The following GLT1D1 variants were observed in gnomAD, a reference collection of about 807,000 sequenced individuals.
The protein encoded by GLT1D1 is glycosyltransferase 1 domain-containing protein 1.
Under a neutral mutation model 28.7 loss-of-function variants are expected in GLT1D1, and 21 were observed. The observed-to-expected ratio is 0.73, with a 90% CI of 0.52 to 1.05. The LOEUF (loss-of-function observed/expected upper bound fraction) is 1.05, where lower values mean the gene tolerates loss of function less well. Among genes scored for constraint, GLT1D1 ranks in the 50% least tolerant of loss-of-function variants. The probability of loss-of-function intolerance (pLI) is 0.00; values close to 1 mark genes in which losing one functional copy is unlikely to be tolerated. For missense variants in GLT1D1, 343 were observed against 330.6 expected (o/e 1.04, Z -0.29); for synonymous variants, 147 against 124.8 (o/e 1.18, Z -1.19).
chr12:128,935,931 T>C (rs1447365382), intron 4 of GLT1D1, among the ~76,000 whole-genome samples: 1 of 152,216 alleles, frequency 6.6e-6, no homozygotes, highest in Non-Finnish European at 1.5e-5. Flanking sequence ...CATGGCTTTG[T>C]AGTAGAGTGG....
At chr12:128,963,712 G>T (rs1042469870) in intron 7 of GLT1D1, among the ~76,000 whole-genome samples, 1 of 152,118 alleles carries the variant, frequency 6.6e-6, no homozygotes, top group Non-Finnish European at 1.5e-5. Context: ...CTCCTATCAC[G>T]CACAGTCATG....
chr12:128,899,910 A>T (rs1179326817), intron 4 of GLT1D1, among the ~76,000 whole-genome samples: 1 of 152,196 alleles, frequency 6.6e-6, no homozygotes, highest in Non-Finnish European at 1.5e-5. Context: ...TAAATGTTGC[A>T]GCAACCTTGT....
chr12:128,895,008 CTGA>C (rs1304404515), intron 3 of GLT1D1, among the ~76,000 whole-genome samples: 1 of 151,962 alleles, frequency 6.6e-6, no homozygotes, highest in Non-Finnish European at 1.5e-5. Context: ...ATGCTTTGAG[CTGA>C]TGCCTGTGTT....
intron 4 of GLT1D1, among the ~76,000 whole-genome samples, chr12:128,931,477 T>C (rs569966813): frequency 1.3e-5 from 2 of 151,672 alleles, no homozygotes; most frequent in African/African-American, 4.8e-5. Flanking sequence ...CCGGCAAATT[T>C]TGTATTTTTA....
At chr12:128,953,254 T>A (rs1480975046) in intron 6 of GLT1D1, among the ~76,000 whole-genome samples, 5 of 152,234 alleles carry the variant, frequency 3.3e-5, no homozygotes, top group African/African-American at 9.6e-5. Context: ...GATATTTATT[T>A]CCTAAATATT....
At chr12:128,922,185 T>C (rs887719622) in intron 4 of GLT1D1, among the ~76,000 whole-genome samples, 1 of 151,792 alleles carries the variant, frequency 6.6e-6, no homozygotes, top group Non-Finnish European at 1.5e-5. Flanking sequence ...TGTGTGTGTG[T>C]GTGTGTGTAT....
chr12:128,862,181 T>A (rs1306974419), intron 1 of GLT1D1, among the ~76,000 whole-genome samples: 1 of 151,144 alleles, frequency 6.6e-6, no homozygotes, highest in African/African-American at 2.4e-5. Context: ...ATACAAAAAT[T>A]AGCTGGGCAT....
At chr12:128,925,316 T>A (rs938445509) in intron 4 of GLT1D1, among the ~76,000 whole-genome samples, 1 of 152,236 alleles carries the variant, frequency 6.6e-6, no homozygotes, top group Non-Finnish European at 1.5e-5. Context: ...CATTAGCTAT[T>A]CTTCCTGATG....
At chr12:128,927,083 T>G in intron 4 of GLT1D1, 22 bp from the exon 8 acceptor site, 1 of 1,531,948 alleles carries the variant, frequency 6.5e-7, no homozygotes, top group Non-Finnish European at 8.7e-7. Flanking sequence ...AGTGTTTTTT[T>G]GTCTTCTTTT....
chr12:128,927,970 A>G (rs1423680420), intron 4 of GLT1D1, among the ~76,000 whole-genome samples: 4 of 125,568 alleles, frequency 3.2e-5, no homozygotes, highest in Non-Finnish European at 6.5e-5. Flanking sequence ...GCTGTACTCC[A>G]GCCTGGCCGA....
At chr12:128,903,898 T>A (rs1217614733) in intron 4 of GLT1D1, among the ~76,000 whole-genome samples, 1 of 151,664 alleles carries the variant, frequency 6.6e-6, no homozygotes, top group Admixed American at 6.6e-5. Context: ...GCCCAGCTAA[T>A]TTTTGTATTT....
intron 4 of GLT1D1, among the ~76,000 whole-genome samples, chr12:128,942,937 C>T (rs1479354467): frequency 2.6e-5 from 4 of 151,850 alleles, no homozygotes; most frequent in Non-Finnish European, 4.4e-5. Flanking sequence ...TTAGTAGAGA[C>T]GGGGTTTCAC....
chr12:128,957,622 G>C lies in GLT1D1; in HGVS notation c.618G>C (p.Gly206=). The change falls in exon 7 of 8, where the codon GGG becomes GGC. Residue 206 remains glycine, a synonymous_variant. Transcript: ENST00000281703. Reference sequence around the variant, plus strand: ...CCGTGGTGAAGCATGAAGTCACAGGGCTACTGTTTTCCAATCCTCAGGTAA... The same window carrying C: ...CCGTGGTGAAGCATGAAGTCACAGGCCTACTGTTTTCCAATCCTCAGGTAA... 1 of 1,612,772 alleles carries C rather than the reference G, an allele frequency of 6.2e-7. No homozygotes were observed.
chr12:128,952,713 G>A (rs963472309), intron 6 of GLT1D1, among the ~76,000 whole-genome samples: 3 of 148,048 alleles, frequency 2.0e-5, no homozygotes, highest in African/African-American at 7.5e-5. Flanking sequence ...GACTTCAGGT[G>A]AGCCGCCTGC....
chr12:128,897,059 G>A (rs1869730456), intron 3 of GLT1D1, among the ~76,000 whole-genome samples: 1 of 152,070 alleles, frequency 6.6e-6, no homozygotes, highest in African/African-American at 2.4e-5. Context: ...TCTCACCTTT[G>A]TCAACATTGG....
intron 5 of GLT1D1, among the ~76,000 whole-genome samples, chr12:128,946,845 C>T (rs1967588): frequency 0.23 from 34,600 of 150,868 alleles, 4,764 homozygotes; most frequent in Non-Finnish European, 0.32. Context: ...GACGGGGTTT[C>T]GCCATGTTCG....
intron 1 of GLT1D1, among the ~76,000 whole-genome samples, chr12:128,869,888 A>G (rs1465908081): frequency 1.3e-5 from 2 of 151,292 alleles, no homozygotes; most frequent in Non-Finnish European, 2.9e-5. Flanking sequence ...TTTGCCTGTT[A>G]GGTGATTGAA....
At chr12:128,916,512 C>T (rs1034815708) in intron 4 of GLT1D1, among the ~76,000 whole-genome samples, 7 of 152,280 alleles carry the variant, frequency 4.6e-5, no homozygotes, top group Admixed American at 1.3e-4. Flanking sequence ...TCTTGCCCAC[C>T]GGTGGAGTAG....
At chr12:128,982,516 G>A (rs113896212) in intron 7 of GLT1D1, among the ~76,000 whole-genome samples, 1,677 of 152,286 alleles carry the variant, frequency 0.011, 36 homozygotes, top group African/African-American at 0.039. Context: ...ATGGGGCTCA[G>A]ACTCTGGGGT....
Sources: gnomAD v4.1 joint callset for allele counts (sites outside exome capture counted in the v4.1 genomes callset) on GRCh38, gnomAD v4.1.1 for gene constraint, MANE v1.5 for transcripts, NCBI Gene and HGNC (gene_info 2026-07-23, HGNC 2026-07-21) for gene names.